Variants in DHX16 observed in about 807,000 individuals in gnomAD.
DHX16 encodes the protein DEAH-box helicase 16.
In DHX16, 81 loss-of-function variants were observed where a neutral mutation model predicts 131.2. The observed-to-expected ratio is 0.62, with a 90% CI of 0.52 to 0.74. The LOEUF (loss-of-function observed/expected upper bound fraction) is 0.74. Ranked by LOEUF, DHX16 falls within the 30% of genes least tolerant of loss-of-function variation. The pLI, the probability that DHX16 is intolerant of heterozygous loss-of-function variation, is 0.00. For missense variants in DHX16, 980 were observed against 1,363.1 expected (o/e 0.72, Z 4.43); for synonymous variants, 440 against 520.2 (o/e 0.85, Z 2.10).
At chr6:30,661,819 A>G (rs77506258) in intron 9 of DHX16, 1 of 717,876 alleles carries the variant, frequency 1.4e-6, no homozygotes. Flanking sequence ...GGGCAAAAAC[A>G]TCTGCATCAG....
At chr6:30,658,583 C>T (rs1015686728) in intron 12 of DHX16, among the ~76,000 whole-genome samples, 1 of 147,136 alleles carries the variant, frequency 6.8e-6, no homozygotes, top group Non-Finnish European at 1.5e-5. Flanking sequence ...TGGTGGTACA[C>T]ACCTGTAATC....
At position 30,665,486 on chromosome 6, in the gene DHX16, CG is replaced by C; in HGVS notation, c.913del (p.Arg305GlufsTer10). 6.2e-7 allele frequency: 1 copy of C among 1,612,724 alleles called. No individual in the cohort carries two copies. The highest frequency in any genetic ancestry group is 8.5e-7 in the Non-Finnish European group (1 of 1,179,804). On this transcript the variant is annotated frameshift_variant, in exon 5 of 20. Transcript: ENST00000376442. LOFTEE classifies it high-confidence loss of function. This position sits in a 1 kb window ranked among gnomAD's most constrained non-coding sequence, Gnocchi z 4.8. ...GACGCCGCTTCACCTCACCTGTCCT[CG>C]GGTTTCCTTGGGCATGTGGTAGCGA... ...TNRYHMPKET[R>X]GQPARAVDLV... is the part of the protein sequence containing the mutation.
chr6:30,670,803 C>G lies in DHX16; in HGVS notation c.596G>C (p.Arg199Pro). Residue 199 changes from arginine (R) to proline (P), a missense_variant, in exon 3 of 20, where the codon CGG (arginine) becomes CCG (proline). By Grantham distance (103) the Arg-to-Pro change is moderately radical (BLOSUM62 -2). Around this residue, in one of 3 missense-constraint regions of DHX16, gnomAD observed 457 missense variants for 554.8 expected, o/e 0.82. Coordinates refer to ENST00000376442, the MANE Select transcript of DHX16 (RefSeq NM_003587.5). The surrounding 1 kb of genome is among the most constrained non-coding windows in gnomAD (Gnocchi z 4.4). ...DKDRTRNVLE[R>P]SDKKAYEEAQ... ...GCTCCTATTCACCTTCTTGTCTGAC[C>G]GTTCCAGGACATTTCGAGTCCGATC... The G allele has an allele frequency of 6.2e-7, 1 of 1,612,942 alleles. No homozygotes were observed.
intron 12 of DHX16, among the ~76,000 whole-genome samples, chr6:30,658,696 G>C (rs1355623767): frequency 6.6e-6 from 1 of 151,912 alleles, no homozygotes; most frequent in African/African-American, 2.4e-5. Flanking sequence ...GGGCAACAGA[G>C]CGAGACTCTG....
At chr6:30,655,106 T>G in intron 18 of DHX16, 69 bp downstream of exon 18, 1 of 1,588,710 alleles carries the variant, frequency 6.3e-7, no homozygotes, top group Non-Finnish European at 8.6e-7. Context: ...AAATGCTGCA[T>G]GCCCCCAGAG....
chr6:30,672,268 G>A (rs533388497), intron 1 of DHX16, among the ~76,000 whole-genome samples: 1 of 151,666 alleles, frequency 6.6e-6, no homozygotes, highest in South Asian at 2.1e-4. Flanking sequence ...GTAGTGAGCC[G>A]TGATCTTACG....
chr6:30,659,020 G>A (rs892119482), intron 12 of DHX16, among the ~76,000 whole-genome samples: 1 of 152,080 alleles, frequency 6.6e-6, no homozygotes, highest in African/African-American at 2.4e-5. Flanking sequence ...CTAAACAGGT[G>A]GGATTATAGG....
chr6:30,655,083 C>G, intron 18 of DHX16, 92 bp downstream of exon 18: 1 of 1,542,684 alleles, frequency 6.5e-7, no homozygotes, highest in Non-Finnish European at 8.9e-7. Flanking sequence ...AGGGCATGCT[C>G]TCACGCTGGA....
Position 30,672,691 on chromosome 6 carries a change from C to T in DHX16, c.151G>A (p.Asp51Asn), listed in dbSNP as rs138442334. 27 of 1,612,904 alleles carry T rather than the reference C, an allele frequency of 1.7e-5. No individual in the cohort carries two copies. The African/African-American group carries it at 3.3e-4, about 20-fold the overall frequency. ...EEFVQRLRDT[D>N]TLDLSGPARD... is the part of the protein sequence containing the mutation. Reference sequence around the variant, plus strand: ...GCCGGCCCACTGAGATCCAAGGTATCAGTGTCTCGTAGGCGCTGCACGAAC... The same window carrying T: ...GCCGGCCCACTGAGATCCAAGGTATTAGTGTCTCGTAGGCGCTGCACGAAC... The change falls in exon 1 of 20, where the codon GAT becomes AAT. Residue 51 changes from aspartate to asparagine, a missense_variant. Physicochemically the swap from Asp to Asn is conservative, Grantham distance 23 (BLOSUM62 1). Coordinates refer to ENST00000376442, the MANE Select transcript of DHX16 (RefSeq NM_003587.5).
rs2285320 is a variant in DHX16, at chr6:30,672,909, G to C, written c.-68C>G. 1.7e-3 allele frequency: 2,721 copies of C among 1,593,348 alleles called. 91 individuals carry two copies. In the East Asian group the frequency reaches 0.055, roughly 32 times the overall value. On this transcript the variant is annotated 5_prime_UTR_variant, in exon 1 of 20. Coordinates refer to ENST00000376442, the MANE Select transcript of DHX16 (RefSeq NM_003587.5). ...GCCGCGCTCACTGCTGGGCCGGTCA[G>C]AGGCCTGGAGCCCTCGGCTGGAGCC...
At chr6:30,655,624 T>C in intron 16 of DHX16, 27 bp from the exon 17 acceptor site, 1 of 1,612,170 alleles carries the variant, frequency 6.2e-7, no homozygotes, top group Non-Finnish European at 8.5e-7. Flanking sequence ...AAAGCATGAG[T>C]TCAAAGCAAG....
intron 12 of DHX16, among the ~76,000 whole-genome samples, chr6:30,659,052 GATTTTTGT>G (rs1768234550): frequency 1.3e-5 from 2 of 152,046 alleles, no homozygotes; most frequent in Non-Finnish European, 2.9e-5. Context: ...ATGCCCTGCT[GATTTTTGT>G]ATTTTCAGTG....
chr6:30,672,569 T>C, intron 1 of DHX16, 66 bp downstream of exon 1: 1 of 1,424,734 alleles, frequency 7.0e-7, no homozygotes, highest in Non-Finnish European at 9.8e-7. Flanking sequence ...TCTTAACTTC[T>C]CGATGGACCG....
rs759353228 is a variant in DHX16, at chr6:30,655,560, T to C, written c.2536A>G (p.Met846Val). The C allele has an allele frequency of 6.2e-7, 1 of 1,613,042 alleles. No homozygotes were observed. Among genetic ancestry groups the C allele is most frequent in the African/African-American group, 1.3e-5 (1 of 75,044 alleles). ...AAGATGGAGTTGTTGACAGAGAGCA[T>C]GGCAGCCACTGTCAGGATCTCCTCT... is the stretch of plus-strand genomic sequence containing the variant. ...CSEEILTVAA[M>V]LSVNNSIFYR... The change falls in exon 17 of 20, where the codon ATG (methionine) becomes GTG (valine). Residue 846 changes from methionine (M) to valine (V), a missense_variant. This residue lies in a region of DHX16 where 214 missense variants were observed against 271.2 expected (regional missense o/e 0.79). Transcript: ENST00000376442.
chr6:30,663,608 C>T (rs920836998), intron 7 of DHX16, among the ~76,000 whole-genome samples: 1 of 151,124 alleles, frequency 6.6e-6, no homozygotes, highest in Non-Finnish European at 1.5e-5. Context: ...GTATTTCCAG[C>T]TACTTGGGAG....
chr6:30,653,398 T>G, intron 19 of DHX16, 28 bp from the exon 20 acceptor site: 1 of 1,568,240 alleles, frequency 6.4e-7, no homozygotes, highest in Non-Finnish European at 8.6e-7. Flanking sequence ...TCAATGGAGT[T>G]CCCTTCTTTC....
chr6:30,661,786 T>G lies in DHX16; in HGVS notation c.1544+841A>C, dbSNP rs936781940. On this transcript the variant is annotated intron_variant, in intron 9 of 19. Coordinates refer to ENST00000376442, the MANE Select transcript of DHX16 (RefSeq NM_003587.5). ...CTGTGATGGTGAAGTCCCCAGCCAT[T>G]CCACAAAGCAGGCTGGCTCGATGGG... 4.2e-6 allele frequency: 3 copies of G among 717,666 alleles called. No homozygotes were observed. In the African/African-American group the frequency reaches 5.2e-5, roughly 13 times the overall value. 44.5% of individuals were successfully genotyped at this position (717,666 alleles called of 1,614,324 possible).
intron 7 of DHX16, among the ~76,000 whole-genome samples, chr6:30,663,578 G>A (rs566176462): frequency 7.2e-4 from 109 of 151,770 alleles, no homozygotes; most frequent in Non-Finnish European, 9.0e-4. Context: ...AAAATTAGCC[G>A]AGCATGGTGG....
intron 12 of DHX16, 68 bp downstream of exon 12, chr6:30,659,404 G>T (rs561281292): frequency 1.3e-6 from 2 of 1,506,696 alleles, no homozygotes; most frequent in Non-Finnish European, 1.8e-6. Flanking sequence ...CATGGGGCAG[G>T]CACACAGCTT....
Sources: gnomAD v4.1 joint callset for allele counts (sites outside exome capture counted in the v4.1 genomes callset) on GRCh38, gnomAD v4.1.1 for gene constraint, gnomAD v4.1.1 regional missense constraint, Gnocchi (gnomAD v3.1) non-coding constraint, MANE v1.5 for transcripts, NCBI Gene and HGNC (gene_info 2026-07-23, HGNC 2026-07-21) for gene names.